MYRIP: variants seen among roughly 807,000 people sequenced by gnomAD.
MYRIP encodes the protein rab effector MyRIP.
MYRIP carries 49 observed loss-of-function variants against 98.0 expected under a neutral mutation model. That is an observed-to-expected ratio of 0.50 (90% CI 0.40 to 0.63). The LOEUF (loss-of-function observed/expected upper bound fraction) is 0.63, where lower values mean the gene tolerates loss of function less well. MYRIP is among the 30% of genes least tolerant of loss of function. MYRIP has a pLI of 0.00. For synonymous variants in MYRIP, 404 were observed against 409.5 expected (o/e 0.99, Z 0.16); for missense variants, 1,004 against 1,058.2 (o/e 0.95, Z 0.71).
intron 12 of MYRIP, among the ~76,000 whole-genome samples, chr3:40,239,911 A>G (rs1952950247): frequency 9.3e-6 from 1 of 107,798 alleles, no homozygotes; most frequent in Middle Eastern, 3.8e-3. Context: ...CTTTAGTTTA[A>G]TTAGATCCCA....
intron 10 of MYRIP, among the ~76,000 whole-genome samples, chr3:40,199,328 G>A (rs1476565525): frequency 6.6e-6 from 1 of 152,168 alleles, no homozygotes; most frequent in Non-Finnish European, 1.5e-5. Flanking sequence ...GTTCAATTAA[G>A]TCAGGCTGAT....
chr3:40,209,893 G>C lies in MYRIP; in HGVS notation c.1705G>C (p.Ala569Pro), dbSNP rs756898243. The C allele has an allele frequency of 2.5e-6, 4 of 1,613,964 alleles. No individual in the cohort carries two copies. In the South Asian group the frequency reaches 4.4e-5, roughly 18 times the overall value. ...DLSETDISNEARDPQTLTDTT... is the reference protein window; with the variant it reads ...DLSETDISNEPRDPQTLTDTT... ...ATCAGAGACAGACATCAGCAATGAG[G>C]CTCGGGATCCCCAGACTCTCACAGA... is the stretch of plus-strand genomic sequence containing the variant. The change falls in exon 11 of 17, where the codon GCT (alanine) becomes CCT (proline). Residue 569 changes from alanine to proline, a missense_variant. Coordinates refer to ENST00000302541, the MANE Select transcript of MYRIP (RefSeq NM_015460.4).
intron 1 of MYRIP, among the ~76,000 whole-genome samples, chr3:39,889,626 A>G (rs1943425965): frequency 6.6e-6 from 1 of 152,194 alleles, no homozygotes; most frequent in Admixed American, 6.5e-5. Context: ...ACATGTATAC[A>G]TATGTAACTA....
At chr3:39,845,709 G>A (rs1242884664) in intron 1 of MYRIP, among the ~76,000 whole-genome samples, 1 of 151,942 alleles carries the variant, frequency 6.6e-6, no homozygotes, top group African/African-American at 2.4e-5. Context: ...TGGAGGTGGG[G>A]GCTCAAGGGA....
chr3:40,071,241 G>GGAGTTGGGGTCAGAATGT lies in MYRIP; in HGVS notation c.332+26974_332+26991dup, dbSNP rs1948219537. 8.3e-6 allele frequency: 8 copies of GGAGTTGGGGTCAGAATGT among 968,266 alleles called. No individual in the cohort carries two copies. The South Asian group carries it at 3.8e-4, about 46-fold the overall frequency. 60.0% of individuals were successfully genotyped at this position (968,266 alleles called of 1,614,324 possible). On this transcript the variant is annotated intron_variant, in intron 3 of 16. Transcript: ENST00000302541. The stretch of plus-strand genomic sequence containing the variant: ...CATCGGGTAAACTAAGAATCTTGCT[G>GGAGTTGGGGTCAGAATGT]GAGTTGGGGTCAGAATGTGAGCCAT...
At chr3:39,978,013 A>AC (rs944842527) in intron 2 of MYRIP, among the ~76,000 whole-genome samples, 21 of 104,010 alleles carry the variant, frequency 2.0e-4, no homozygotes, top group Middle Eastern at 4.5e-3. Flanking sequence ...TTTATCAACA[A>AC]AAAAAAAGAC....
intron 10 of MYRIP, among the ~76,000 whole-genome samples, chr3:40,205,182 G>T (rs547440311): frequency 9.2e-5 from 14 of 152,230 alleles, no homozygotes; most frequent in African/African-American, 3.4e-4. Context: ...AGAGGTCACA[G>T]GCATCCTGCA....
chr3:40,236,348 A>C (rs1559469912), intron 12 of MYRIP, among the ~76,000 whole-genome samples: 1 of 152,214 alleles, frequency 6.6e-6, no homozygotes, highest in Non-Finnish European at 1.5e-5. Flanking sequence ...GTTTAGGTTA[A>C]AGGACTTTGT....
chr3:40,025,870 G>A (rs1054303559), intron 2 of MYRIP, among the ~76,000 whole-genome samples: 1 of 152,138 alleles, frequency 6.6e-6, no homozygotes, highest in Non-Finnish European at 1.5e-5. Context: ...AGGAAACAGA[G>A]CAAGAACAAA....
At chr3:40,089,733 G>T (rs982092614) in intron 3 of MYRIP, among the ~76,000 whole-genome samples, 4 of 152,228 alleles carry the variant, frequency 2.6e-5, no homozygotes, top group Non-Finnish European at 5.9e-5. Flanking sequence ...GCCTCTCTCT[G>T]TTGGATGTTG....
At chr3:40,000,540 G>C (rs947965476) in intron 2 of MYRIP, among the ~76,000 whole-genome samples, 3 of 152,198 alleles carry the variant, frequency 2.0e-5, no homozygotes, top group Non-Finnish European at 4.4e-5. Context: ...TACATCTCTT[G>C]AAATGCCCAG....
chr3:40,083,689 G>T (rs1031236020), intron 3 of MYRIP, among the ~76,000 whole-genome samples: 7 of 152,138 alleles, frequency 4.6e-5, no homozygotes, highest in Admixed American at 3.9e-4. Flanking sequence ...ATTACTTACA[G>T]GGAAAGATCA....
Position 39,818,153 on chromosome 3 carries a change from G to C in MYRIP, c.-31+8237G>C, listed in dbSNP as rs149761168. On this transcript the variant is annotated intron_variant, in intron 1 of 16. Coordinates refer to ENST00000302541, the MANE Select transcript of MYRIP (RefSeq NM_015460.4). ...TTAGACTTTTATTAACTTCAACTTT[G>C]TAGACATTTTTTATTTTCTTGAGAT... Among the ~76,000 whole-genome samples, 88 of 152,134 alleles carry C rather than the reference G, an allele frequency of 5.8e-4. No homozygotes were observed. In the South Asian group the frequency reaches 6.0e-3, roughly 10 times the overall value.
intron 1 of MYRIP, among the ~76,000 whole-genome samples, chr3:39,825,205 T>C (rs1016662342): frequency 2.6e-5 from 4 of 152,214 alleles, no homozygotes; most frequent in South Asian, 2.1e-4. Flanking sequence ...GCCTATTTGC[T>C]CTTACTAGTA....
chr3:40,103,282 C>A (rs1948985243), intron 3 of MYRIP, among the ~76,000 whole-genome samples: 1 of 152,190 alleles, frequency 6.6e-6, no homozygotes. Context: ...TTTAAGATAG[C>A]ATTTTCTCTG....
chr3:40,187,686 A>G (rs942558935), intron 9 of MYRIP, among the ~76,000 whole-genome samples: 1 of 152,212 alleles, frequency 6.6e-6, no homozygotes, highest in Non-Finnish European at 1.5e-5. Flanking sequence ...TTTTCTTGTA[A>G]GGATAAAGAG....
At chr3:40,082,774 T>C (rs1948506339) in intron 3 of MYRIP, among the ~76,000 whole-genome samples, 1 of 152,196 alleles carries the variant, frequency 6.6e-6, no homozygotes, top group Admixed American at 6.5e-5. Context: ...ATGAAGGAAA[T>C]GGCATGTGTA....
chr3:39,912,865 C>T (rs1944056702), intron 2 of MYRIP, among the ~76,000 whole-genome samples: 1 of 152,118 alleles, frequency 6.6e-6, no homozygotes, highest in Non-Finnish European at 1.5e-5. Flanking sequence ...TATGGCAAAA[C>T]CCTGTCTCTA....
intron 1 of MYRIP, among the ~76,000 whole-genome samples, chr3:39,881,464 GT>G (rs536081360): frequency 8.5e-4 from 129 of 152,272 alleles, no homozygotes; most frequent in African/African-American, 3.0e-3. Flanking sequence ...AAACGTATCA[GT>G]TTTTTCCTCA....
Sources: gnomAD v4.1 joint callset for allele counts (sites outside exome capture counted in the v4.1 genomes callset) on GRCh38, gnomAD v4.1.1 for gene constraint, MANE v1.5 for transcripts, NCBI Gene and HGNC (gene_info 2026-07-23, HGNC 2026-07-21) for gene names.